Variants in AHCYL2 observed in about 807,000 individuals in gnomAD.
AHCYL2 encodes the protein S-adenosylhomocysteine hydrolase-like protein 2.
AHCYL2 carries 28 observed loss-of-function variants against 81.4 expected under a neutral mutation model. The observed-to-expected ratio is 0.34, with a 90% CI of 0.25 to 0.47. The LOEUF is 0.47. Among genes scored for constraint, AHCYL2 ranks in the 20% least tolerant of loss-of-function variants. The pLI is 1.00. For missense variants in AHCYL2, 551 were observed against 785.1 expected (o/e 0.70, Z 3.56); for synonymous variants, 272 against 290.2 (o/e 0.94, Z 0.64).
intron 1 of AHCYL2, among the ~76,000 whole-genome samples, chr7:129,299,432 C>G (rs1183281194): frequency 3.4e-5 from 4 of 117,438 alleles, no homozygotes; most frequent in African/African-American, 1.4e-4. Context: ...CTCGCTCTGT[C>G]CCCCAGGCTG....
rs552702207 is a variant in AHCYL2, at chr7:129,370,098, A to G, written c.364-9540A>G. On this transcript the variant is annotated intron_variant, in intron 1 of 16. Coordinates refer to ENST00000325006, the MANE Select transcript of AHCYL2 (RefSeq NM_015328.4). ...TTCTATAAAGGAATATTACAGAAGAATTCTACTGAACATTAGTGTGCCAAC... is the reference window on the plus strand; with the variant it reads ...TTCTATAAAGGAATATTACAGAAGAGTTCTACTGAACATTAGTGTGCCAAC... Among the ~76,000 whole-genome samples, 242 of 152,336 alleles carry G rather than the reference A, an allele frequency of 1.6e-3. 3 individuals carry two copies. Among genetic ancestry groups the G allele is most frequent in the Non-Finnish European group, 2.6e-3 (178 of 68,032 alleles).
chr7:129,297,273 G>C lies in AHCYL2; in HGVS notation c.363+71834G>C, dbSNP rs996171511. Among the ~76,000 whole-genome samples the C allele has an allele frequency of 2.6e-5, 4 of 152,208 alleles. 1 individual carries two copies. The highest frequency in any genetic ancestry group is 5.9e-5 in the Non-Finnish European group (4 of 68,038). ...TTAATGATGGTGTCAGTGGTTGCCTGTGAGTCCTTTGCACTCTAGTATGCT... is the reference window on the plus strand; with the variant it reads ...TTAATGATGGTGTCAGTGGTTGCCTCTGAGTCCTTTGCACTCTAGTATGCT... On this transcript the variant is annotated intron_variant, in intron 1 of 16. Coordinates refer to ENST00000325006, the MANE Select transcript of AHCYL2 (RefSeq NM_015328.4).
intron 1 of AHCYL2, among the ~76,000 whole-genome samples, chr7:129,254,807 G>T (rs960337770): frequency 2.2e-4 from 33 of 152,298 alleles, no homozygotes; most frequent in African/African-American, 7.5e-4. Flanking sequence ...GTCTCTGAGG[G>T]TAGGTCACAG....
At chr7:129,421,089 A>G (rs1157500544) in intron 12 of AHCYL2, among the ~76,000 whole-genome samples, 3 of 152,040 alleles carry the variant, frequency 2.0e-5, no homozygotes, top group Admixed American at 6.5e-5. Flanking sequence ...CATCTCTACT[A>G]AAAAATATAA....
chr7:129,381,873 C>T (rs1249954729), intron 2 of AHCYL2, among the ~76,000 whole-genome samples: 1 of 152,174 alleles, frequency 6.6e-6, no homozygotes, highest in Non-Finnish European at 1.5e-5. Context: ...TCTGTAAACT[C>T]AGTGCTTTTA....
At chr7:129,271,359 CAAAAAAA>C (rs3042852) in intron 1 of AHCYL2, among the ~76,000 whole-genome samples, 1 of 86,824 alleles carries the variant, frequency 1.2e-5, no homozygotes, top group African/African-American at 4.2e-5. Context: ...AGACTGTCTC[CAAAAAAA>C]AAAAAAAAAA....
chr7:129,425,468 A>G (rs1797321286), intron 15 of AHCYL2, among the ~76,000 whole-genome samples: 1 of 152,052 alleles, frequency 6.6e-6, no homozygotes, highest in Non-Finnish European at 1.5e-5. Context: ...ATCATCTCCT[A>G]CCTTGTGACA....
At chr7:129,339,829 C>T (rs1793098944) in intron 1 of AHCYL2, among the ~76,000 whole-genome samples, 1 of 151,930 alleles carries the variant, frequency 6.6e-6, no homozygotes, top group South Asian at 2.1e-4. Context: ...CTCGCCTGGC[C>T]ACTAATTGAT....
At chr7:129,400,256 T>TTTAATGGTTTCCCTTTGTTCC (rs770527352) in intron 5 of AHCYL2, 34 bp from the exon 6 acceptor site, 4 of 1,605,288 alleles carry the variant, frequency 2.5e-6, no homozygotes, top group Admixed American at 3.4e-5. Flanking sequence ...TTTTTTGGTC[T>TTTAATGGTTTCCCTTTGTTCC]TTAATGGTTT....
At chr7:129,246,138 A>G (rs966636474) in intron 1 of AHCYL2, among the ~76,000 whole-genome samples, 2 of 151,308 alleles carry the variant, frequency 1.3e-5, no homozygotes, top group Non-Finnish European at 2.9e-5. Context: ...GGCTCACTGC[A>G]ACCTCTGCCT....
At position 129,225,175 on chromosome 7, in the gene AHCYL2, G is replaced by T; in HGVS notation, c.99G>T (p.Leu33=). 2 of 1,583,976 alleles carry T rather than the reference G, an allele frequency of 1.3e-6. No homozygotes were observed. Among genetic ancestry groups the T allele is most frequent in the South Asian group, 1.1e-5 (1 of 87,982 alleles). ...SPSEAESQLG[L]STAAVGAMAP... is the part of the protein sequence containing the mutation. Reference sequence around the variant, plus strand: ...CCGAGGCGGAGTCGCAACTAGGACTGAGCACGGCCGCCGTGGGCGCCATGG... The same window carrying T: ...CCGAGGCGGAGTCGCAACTAGGACTTAGCACGGCCGCCGTGGGCGCCATGG... The change falls in exon 1 of 17, where the codon CTG becomes CTT. Residue 33 remains leucine (L), a synonymous_variant. Coordinates refer to ENST00000325006, the MANE Select transcript of AHCYL2 (RefSeq NM_015328.4).
intron 1 of AHCYL2, among the ~76,000 whole-genome samples, chr7:129,318,289 C>G (rs915138445): frequency 6.6e-6 from 1 of 152,112 alleles, no homozygotes; most frequent in Non-Finnish European, 1.5e-5. Flanking sequence ...AGAGACAGGT[C>G]TTGCTATGTT....
intron 1 of AHCYL2, among the ~76,000 whole-genome samples, chr7:129,297,229 G>A (rs1018976610): frequency 2.1e-4 from 32 of 152,298 alleles, no homozygotes; most frequent in African/African-American, 7.5e-4. Flanking sequence ...CAAATTTTTT[G>A]TAGTGCTATG....
At chr7:129,251,591 A>G (rs1188522600) in intron 1 of AHCYL2, among the ~76,000 whole-genome samples, 1 of 152,070 alleles carries the variant, frequency 6.6e-6, no homozygotes, top group African/African-American at 2.4e-5. Context: ...CCTCCTTTAC[A>G]GTTTGGTAAA....
At chr7:129,234,137 A>T (rs1193737205) in intron 1 of AHCYL2, among the ~76,000 whole-genome samples, 2 of 151,764 alleles carry the variant, frequency 1.3e-5, no homozygotes, top group Non-Finnish European at 2.9e-5. Context: ...TGCACCCTCA[A>T]CCTCCTGAGC....
chr7:129,340,862 C>T (rs888220907), intron 1 of AHCYL2, among the ~76,000 whole-genome samples: 1 of 152,064 alleles, frequency 6.6e-6, no homozygotes, highest in South Asian at 2.1e-4. Context: ...TTTGGATAAG[C>T]TTATATGATC....
chr7:129,326,043 G>T (rs886230076), intron 1 of AHCYL2, among the ~76,000 whole-genome samples: 1 of 151,990 alleles, frequency 6.6e-6, no homozygotes, highest in Non-Finnish European at 1.5e-5. Context: ...ACTCCATAAT[G>T]TGTTCCACTT....
At chr7:129,379,346 G>C (rs189332733) in intron 1 of AHCYL2, among the ~76,000 whole-genome samples, 1 of 151,212 alleles carries the variant, frequency 6.6e-6, no homozygotes, top group Non-Finnish European at 1.5e-5. Context: ...TAAAGAATGA[G>C]ACATTGCCAG....
Position 129,426,953 on chromosome 7 carries a change from C to G in AHCYL2, c.1830-86C>G, listed in dbSNP as rs376727119. On this transcript the variant is annotated intron_variant, in intron 16 of 16. Coordinates refer to ENST00000325006, the MANE Select transcript of AHCYL2 (RefSeq NM_015328.4). This position sits in a 1 kb window ranked among gnomAD's most constrained non-coding sequence, Gnocchi z 4.3. Reference sequence around the variant, plus strand: ...ACACTCCAGAAAAGTCTCTGCCTCCCTGTTACACCTTTAGGCAGGCTCTTC... The same window carrying G: ...ACACTCCAGAAAAGTCTCTGCCTCCGTGTTACACCTTTAGGCAGGCTCTTC... The G allele has an allele frequency of 2.9e-6, 4 of 1,403,078 alleles. No homozygotes were observed. In the African/African-American group the frequency reaches 4.3e-5, roughly 15 times the overall value. The allele number at this position is 1,403,078 out of a possible 1,614,324, so 86.9% of individuals were successfully genotyped here.
Sources: allele counts gnomAD v4.1 joint callset (sites outside exome capture counted in the v4.1 genomes callset), GRCh38; gene constraint gnomAD v4.1.1; non-coding constraint Gnocchi (gnomAD v3.1); transcripts MANE v1.5; gene names NCBI Gene and HGNC (gene_info 2026-07-23, HGNC 2026-07-21).